Variants in SHISA9 observed in about 807,000 individuals in gnomAD.
SHISA9 encodes shisa family member 9, also known as protein shisa-9.
SHISA9 carries 13 observed loss-of-function variants against 38.0 expected under a neutral mutation model. The ratio of observed to expected loss-of-function variants is 0.34; its 90% CI spans 0.22 to 0.54. The LOEUF is 0.54. Among genes scored for constraint, SHISA9 ranks in the 20% least tolerant of loss-of-function variants. SHISA9 has a pLI of 0.91. For missense variants in SHISA9, 538 were observed against 575.8 expected, an observed-to-expected ratio of 0.93 and a Z score of 0.67; for synonymous variants, 275 against 242.0, an observed-to-expected ratio of 1.14 and a Z score of -1.27.
At chr16:13,401,626 C>T in the SHISA9 span, among the ~76,000 whole-genome samples, 2 of 150,930 alleles carry the variant, frequency 1.3e-5, no homozygotes, top group Non-Finnish European at 3.0e-5. Flanking sequence ...GCTTTCTATT[C>T]CCCCCGTATG....
At chr16:13,220,211 T>C (rs905870550) in intron 4 of SHISA9, among the ~76,000 whole-genome samples, 1 of 152,206 alleles carries the variant, frequency 6.6e-6, no homozygotes, top group Non-Finnish European at 1.5e-5. Flanking sequence ...TTCACCCATC[T>C]CTCTGGGAGT....
In SHISA9 at chr16:12,916,688, G is replaced by A; in HGVS notation, c.564G>A (p.Arg188=). Residue 188 remains arginine (R), a splice_region_variant and synonymous_variant, in exon 2 of 5, where the codon AGG becomes AGA. Transcript: ENST00000558583. ...AHRPQREHMS[R]ALADVMRPQG... is the part of the protein sequence containing the mutation. ...AGATTTAAATTCTTTCTTCTTTCAGGGCCCTTGCGGATGTCATGAGACCAC... is the reference window on the plus strand; with the variant it reads ...AGATTTAAATTCTTTCTTCTTTCAGAGCCCTTGCGGATGTCATGAGACCAC... 1 of 1,548,366 alleles carries A rather than the reference G, an allele frequency of 6.5e-7. No individual in the cohort carries two copies.
the SHISA9 span, among the ~76,000 whole-genome samples, chr16:13,516,100 ATGGAGACATCCCCTTCTGCAGAGGAAG>A: frequency 6.6e-6 from 1 of 152,234 alleles, no homozygotes; most frequent in Non-Finnish European, 1.5e-5. Flanking sequence ...CATGTTCTGC[ATGGAGACATCCCCTTCTGCAGAGGAAG>A]TGTCTCGTCC....
chr16:13,398,111 C>T, the SHISA9 span, among the ~76,000 whole-genome samples: 1 of 152,170 alleles, frequency 6.6e-6, no homozygotes, highest in Non-Finnish European at 1.5e-5. Flanking sequence ...ACTAGTCCAG[C>T]CGCTTGTGTC....
intron 2 of SHISA9, among the ~76,000 whole-genome samples, chr16:13,098,928 A>G (rs2073852801): frequency 6.6e-6 from 1 of 152,246 alleles, no homozygotes; most frequent in Admixed American, 6.5e-5. Context: ...AAGAGTAAAT[A>G]AAGGGATGAG....
At chr16:13,068,946 C>T (rs555416034) in intron 2 of SHISA9, among the ~76,000 whole-genome samples, 36 of 149,428 alleles carry the variant, frequency 2.4e-4, no homozygotes, top group African/African-American at 5.4e-4. Flanking sequence ...TGTGTATATG[C>T]GCATATGTGT....
At chr16:13,210,099 T>C (rs2051103934) in intron 3 of SHISA9, among the ~76,000 whole-genome samples, 2 of 152,106 alleles carry the variant, frequency 1.3e-5, no homozygotes, top group South Asian at 4.2e-4. Flanking sequence ...AGACTCTGTC[T>C]CAAAAAAAAG....
chr16:13,491,817 CCT>C, the SHISA9 span, among the ~76,000 whole-genome samples: 38 of 46,926 alleles, frequency 8.1e-4, 3 homozygotes, highest in Non-Finnish European at 1.1e-3. Context: ...TATTTATTGA[CCT>C]TTTTTTTTTT....
intron 2 of SHISA9, among the ~76,000 whole-genome samples, chr16:13,185,608 A>T: frequency 6.6e-6 from 1 of 152,152 alleles, no homozygotes; most frequent in Non-Finnish European, 1.5e-5. Context: ...CTCTCTTTGT[A>T]CCTGCTTTTT....
the SHISA9 span, among the ~76,000 whole-genome samples, chr16:13,424,544 C>A: frequency 2.0e-5 from 3 of 152,216 alleles, no homozygotes; most frequent in South Asian, 4.1e-4. Flanking sequence ...TGAAATCATG[C>A]GAAACTGGGT....
intron 2 of SHISA9, among the ~76,000 whole-genome samples, chr16:13,007,061 T>C (rs984526918): frequency 1.4e-4 from 21 of 152,174 alleles, no homozygotes; most frequent in African/African-American, 4.3e-4. Context: ...TCCATAGATA[T>C]CTATGGATTC....
At chr16:13,166,100 T>G (rs2050633290) in intron 2 of SHISA9, among the ~76,000 whole-genome samples, 1 of 152,220 alleles carries the variant, frequency 6.6e-6, no homozygotes, top group Non-Finnish European at 1.5e-5. Flanking sequence ...GATGGTCTCT[T>G]TGATCTCATC....
At chr16:13,139,435 TC>T (rs1414535845) in intron 2 of SHISA9, among the ~76,000 whole-genome samples, 12 of 138,542 alleles carry the variant, frequency 8.7e-5, no homozygotes, top group African/African-American at 3.2e-4. Context: ...CCTTCCTTCT[TC>T]TCTTCCTCTT....
At chr16:13,311,055 G>T in the SHISA9 span, among the ~76,000 whole-genome samples, 2 of 152,028 alleles carry the variant, frequency 1.3e-5, no homozygotes, top group African/African-American at 4.8e-5. Flanking sequence ...TTGTAAGCAG[G>T]AGTCCATGTA....
intron 2 of SHISA9, among the ~76,000 whole-genome samples, chr16:12,950,162 C>G (rs1596545352): frequency 6.6e-6 from 1 of 152,188 alleles, no homozygotes; most frequent in Non-Finnish European, 1.5e-5. Flanking sequence ...AACATAATGT[C>G]TTCGGATTCC....
chr16:13,229,295 C>A (rs1269935621), intron 4 of SHISA9, among the ~76,000 whole-genome samples: 2 of 152,160 alleles, frequency 1.3e-5, no homozygotes, highest in African/African-American at 4.8e-5. Flanking sequence ...ACTGCACAAA[C>A]AAGTGTAAAA....
the SHISA9 span, among the ~76,000 whole-genome samples, chr16:13,490,668 T>C: frequency 6.6e-6 from 1 of 152,182 alleles, no homozygotes; most frequent in Non-Finnish European, 1.5e-5. Context: ...CTCTGCCCAA[T>C]TTTCTTCTTG....
chr16:13,553,810 C>G, the SHISA9 span, among the ~76,000 whole-genome samples: 10 of 152,320 alleles, frequency 6.6e-5, no homozygotes, highest in South Asian at 2.1e-4. Flanking sequence ...CCAATTAACT[C>G]CTTACAATTG....
At chr16:13,109,739 G>C (rs1352376138) in intron 2 of SHISA9, among the ~76,000 whole-genome samples, 4 of 152,084 alleles carry the variant, frequency 2.6e-5, no homozygotes, top group Admixed American at 1.3e-4. Context: ...GTCTTTTCTG[G>C]ACATTACATG....
Sources: gnomAD v4.1 joint callset for allele counts (sites outside exome capture counted in the v4.1 genomes callset) on GRCh38, gnomAD v4.1.1 for gene constraint, MANE v1.5 for transcripts, NCBI Gene and HGNC (gene_info 2026-07-23, HGNC 2026-07-21) for gene names.